Variants in PITPNC1 observed in about 807,000 individuals in gnomAD.
The protein encoded by PITPNC1 is phosphatidylinositol transfer protein cytoplasmic 1.
A neutral mutation model predicts 44.7 loss-of-function variants in PITPNC1; 18 were observed. The ratio of observed to expected loss-of-function variants is 0.40; its 90% confidence interval spans 0.28 to 0.60. The LOEUF is 0.60. PITPNC1 is among the 20% of genes least tolerant of loss of function. The pLI is 0.39. For synonymous variants in PITPNC1, 141 were observed against 149.6 expected (o/e 0.94, Z 0.42); for missense variants, 290 against 418.4 (o/e 0.69, Z 2.68).
At chr17:67,586,536 A>T (rs1471014612) in intron 5 of PITPNC1, among the ~76,000 whole-genome samples, 2 of 151,970 alleles carry the variant, frequency 1.3e-5, no homozygotes, top group African/African-American at 2.4e-5. Context: ...CAGAGGTTGC[A>T]GTGAGCCGAA....
At position 67,561,731 on chromosome 17, in the gene PITPNC1, A is replaced by G. The variant is rs116498952; in HGVS notation, c.294+8114A>G. ...TATGCTCACCTGTATTTGGGAAGTCACACTGATCCATTCCCATCTCTGTTA... is the reference window on the plus strand; with the variant it reads ...TATGCTCACCTGTATTTGGGAAGTCGCACTGATCCATTCCCATCTCTGTTA... On this transcript the variant is annotated intron_variant, in intron 4 of 8. Transcript: ENST00000581322. Among the ~76,000 whole-genome samples the G allele has an allele frequency of 4.9e-3, 746 of 152,274 alleles. 7 individuals are homozygous for G. The highest frequency in any genetic ancestry group is 0.017 in the African/African-American group (703 of 41,548).
chr17:67,546,257 T>C (rs768365544), intron 2 of PITPNC1, among the ~76,000 whole-genome samples: 5 of 148,136 alleles, frequency 3.4e-5, no homozygotes, highest in Non-Finnish European at 7.4e-5. Flanking sequence ...TGTATACTTA[T>C]GTATATTACA....
Position 67,669,662 on chromosome 17 carries a change from A to G in PITPNC1, c.617A>G (p.Lys206Arg). 1 of 1,588,578 alleles carries G rather than the reference A, an allele frequency of 6.3e-7. No individual in the cohort carries two copies. The change falls in exon 7 of 9, where the codon AAG becomes AGG. Residue 206 changes from lysine (K) to arginine (R), a missense_variant and splice_region_variant. By Grantham distance (26) the Lys-to-Arg change is conservative (BLOSUM62 2). Transcript: ENST00000581322. ...LQTRVEQFVH[K>R]VVRDILLIGH... is the part of the protein sequence containing the mutation. ...ACCAGAGTGGAACAATTTGTACACA[A>G]GGTAAGTGGTCCAACAGCAGTTCCT... is the stretch of plus-strand genomic sequence containing the variant.
intron 6 of PITPNC1, among the ~76,000 whole-genome samples, chr17:67,645,780 C>T (rs566418229): frequency 6.6e-6 from 1 of 152,306 alleles, no homozygotes; most frequent in South Asian, 2.1e-4. Context: ...TAAGTTGCTT[C>T]TGATTTGGGG....
Position 67,692,575 on chromosome 17 carries a change from T to C in PITPNC1, c.686T>C (p.Met229Thr), listed in dbSNP as rs1396613171. The change falls in exon 9 of 9, where the codon ATG becomes ACG. Residue 229 changes from methionine to threonine, a missense_variant. Transcript: ENST00000581322. ...CTTTCTGTTTTTCTCCTTGAAGACA[T>C]GACAATGGATGAAGTCCGAGAATTT... The part of the protein sequence containing the change: ...AFAWVDEWYD[M>T]TMDEVREFER... 6.2e-7 allele frequency: 1 copy of C among 1,610,732 alleles called. No individual in the cohort carries two copies. Among genetic ancestry groups the C allele is most frequent in the African/African-American group, 1.3e-5 (1 of 74,836 alleles).
intron 2 of PITPNC1, among the ~76,000 whole-genome samples, chr17:67,533,502 C>CCTT (rs71139153): frequency 0.91 from 137,630 of 152,020 alleles, 62,302 homozygotes; most frequent in Middle Eastern, 0.96. Flanking sequence ...AGAGTGAGGC[C>CCTT]CTTGAAAAAA....
intron 5 of PITPNC1, among the ~76,000 whole-genome samples, chr17:67,599,017 TATATATATATATA>T (rs1414576531): frequency 2.8e-5 from 1 of 35,940 alleles, no homozygotes; most frequent in African/African-American, 1.4e-4. Context: ...TATATATATA[TATATATATATATA>T]TATATTTTTT....
At chr17:67,684,754 G>C in intron 8 of PITPNC1, among the ~76,000 whole-genome samples, 1 of 152,086 alleles carries the variant, frequency 6.6e-6, no homozygotes, top group South Asian at 2.1e-4. Context: ...CCCCTGGGTT[G>C]TTTTCAATTT....
intron 5 of PITPNC1, among the ~76,000 whole-genome samples, chr17:67,607,731 C>CT (rs1212042100): frequency 0.059 from 8,304 of 140,588 alleles, 503 homozygotes; most frequent in East Asian, 0.15. Flanking sequence ...TTTTTTCTTT[C>CT]TTTTTTTTTT....
intron 1 of PITPNC1, among the ~76,000 whole-genome samples, chr17:67,490,263 C>T (rs1305477291): frequency 1.4e-5 from 2 of 147,502 alleles, no homozygotes; most frequent in African/African-American, 2.5e-5. Context: ...CTGGGTCATA[C>T]TTGTGTGTGT....
At chr17:67,417,968 C>T (rs941164610) in intron 1 of PITPNC1, among the ~76,000 whole-genome samples, 1 of 152,110 alleles carries the variant, frequency 6.6e-6, no homozygotes, top group Non-Finnish European at 1.5e-5. Context: ...CACTTGAGCC[C>T]AGGAGGTCCA....
At chr17:67,397,699 GGT>G (rs1429788010) in intron 1 of PITPNC1, among the ~76,000 whole-genome samples, 2 of 152,074 alleles carry the variant, frequency 1.3e-5, no homozygotes, top group African/African-American at 4.8e-5. Flanking sequence ...CACACGTTTG[GGT>G]GTGTCCCATC....
chr17:67,399,338 C>T (rs367588659), intron 1 of PITPNC1, among the ~76,000 whole-genome samples: 2 of 152,098 alleles, frequency 1.3e-5, no homozygotes, highest in South Asian at 4.1e-4. Context: ...TGGTTGTTCT[C>T]AGTTGGTCGT....
chr17:67,394,519 A>G (rs2092326463), intron 1 of PITPNC1, among the ~76,000 whole-genome samples: 1 of 152,220 alleles, frequency 6.6e-6, no homozygotes, highest in Non-Finnish European at 1.5e-5. Context: ...CCATTGTACT[A>G]TAAAATCTAA....
chr17:67,476,808 G>A (rs1429771350), intron 1 of PITPNC1, among the ~76,000 whole-genome samples: 1 of 152,020 alleles, frequency 6.6e-6, no homozygotes, highest in Non-Finnish European at 1.5e-5. Flanking sequence ...AACGGGGCCG[G>A]GCCAGGGCTG....
At chr17:67,438,582 T>G (rs1251581010) in intron 1 of PITPNC1, among the ~76,000 whole-genome samples, 1 of 152,184 alleles carries the variant, frequency 6.6e-6, no homozygotes, top group African/African-American at 2.4e-5. Context: ...TCCTAAAGTG[T>G]TGGGATTACA....
rs71687631 is a variant in PITPNC1, at chr17:67,416,203, C to CTTTTTTTTTTTT, written c.48+38015_48+38026dup. Among the ~76,000 whole-genome samples the CTTTTTTTTTTTT allele has an allele frequency of 3.1e-4, 21 of 67,626 alleles. 1 individual carries two copies. Among genetic ancestry groups the CTTTTTTTTTTTT allele is most frequent in the African/African-American group, 4.5e-4 (7 of 15,718 alleles). The allele number at this position is 67,626 out of a possible 152,430, so 44.4% of individuals were successfully genotyped here. A position where few individuals can be genotyped will look rare whatever the true frequency, so the allele number is the denominator to read the frequency against. On this transcript the variant is annotated intron_variant, in intron 1 of 8. Coordinates refer to ENST00000581322, the MANE Select transcript of PITPNC1 (RefSeq NM_012417.4). ...TCCCTTTCCTTGTTTACATGTATTG[C>CTTTTTTTTTTTT]TTTTTTTTTTTTTTTTTTTTTTTTT...
chr17:67,607,635 T>C (rs74995613), intron 5 of PITPNC1, among the ~76,000 whole-genome samples: 26,484 of 152,122 alleles, frequency 0.17, 2,375 homozygotes, highest in East Asian at 0.29. Context: ...GCTTTGTCTC[T>C]TCCTCTCCAT....
intron 8 of PITPNC1, among the ~76,000 whole-genome samples, chr17:67,682,887 T>G (rs1410773749): frequency 6.6e-6 from 1 of 152,044 alleles, no homozygotes; most frequent in African/African-American, 2.4e-5. Flanking sequence ...TTGGGCCGGG[T>G]GTGGTGGCTC....
Sources: gnomAD v4.1 joint callset for allele counts (sites outside exome capture counted in the v4.1 genomes callset) on GRCh38, gnomAD v4.1.1 for gene constraint, MANE v1.5 for transcripts, NCBI Gene and HGNC (gene_info 2026-07-23, HGNC 2026-07-21) for gene names.